AFAP1L2: variants seen among roughly 807,000 people sequenced by gnomAD.
The protein encoded by AFAP1L2 is actin filament-associated protein 1-like 2.
AFAP1L2 carries 46 observed loss-of-function variants against 99.3 expected under a neutral mutation model. That is an observed-to-expected ratio of 0.46 (90% confidence interval 0.37 to 0.59). AFAP1L2 has a LOEUF of 0.59. Among genes scored for constraint, AFAP1L2 ranks in the 20% least tolerant of loss-of-function variants. The pLI is 0.00. For synonymous variants in AFAP1L2, 397 were observed against 419.1 expected, an observed-to-expected ratio of 0.95 and a Z score of 0.64; for missense variants, 959 against 1,034.9, an observed-to-expected ratio of 0.93 and a Z score of 1.01.
chr10:114,338,361 T>C (rs1349432010), intron 2 of AFAP1L2, among the ~76,000 whole-genome samples: 1 of 152,226 alleles, frequency 6.6e-6, no homozygotes, highest in African/African-American at 2.4e-5. Flanking sequence ...GCATTTCCAG[T>C]TCTCAAACAT....
chr10:114,318,999 C>T (rs2044638532), intron 5 of AFAP1L2, among the ~76,000 whole-genome samples: 1 of 150,350 alleles, frequency 6.7e-6, no homozygotes, highest in Admixed American at 6.6e-5. Flanking sequence ...ACTAAAGATA[C>T]AAAAATTAGC....
At chr10:114,286,897 AC>A in the AFAP1L2 span, among the ~76,000 whole-genome samples, 1 of 152,224 alleles carries the variant, frequency 6.6e-6, no homozygotes, top group African/African-American at 2.4e-5. Flanking sequence ...ATGGCAATCC[AC>A]AGAAAAGTGT....
chr10:114,375,914 C>T (rs1256791441), intron 1 of AFAP1L2, among the ~76,000 whole-genome samples: 2 of 152,104 alleles, frequency 1.3e-5, no homozygotes, highest in Non-Finnish European at 2.9e-5. Context: ...GAGCTATAAT[C>T]ACACCACTGC....
chr10:114,325,580 C>T (rs7910932), intron 4 of AFAP1L2, among the ~76,000 whole-genome samples: 5,074 of 152,306 alleles, frequency 0.033, 255 homozygotes, highest in African/African-American at 0.11. Flanking sequence ...ACTTCATAAG[C>T]AAACCCGACA....
intron 8 of AFAP1L2, among the ~76,000 whole-genome samples, chr10:114,308,889 C>T (rs185323694): frequency 2.6e-5 from 4 of 152,316 alleles, no homozygotes; most frequent in Middle Eastern, 3.4e-3. Flanking sequence ...TTCGTCTGCA[C>T]AGGAGCAGAC....
intron 1 of AFAP1L2, among the ~76,000 whole-genome samples, chr10:114,365,159 C>T (rs2053029261): frequency 6.6e-6 from 1 of 152,186 alleles, no homozygotes; most frequent in Admixed American, 6.5e-5. Context: ...TGTTTAAGGC[C>T]TGCCTCTCCT....
chr10:114,367,054 G>A (rs1043728650), intron 1 of AFAP1L2, among the ~76,000 whole-genome samples: 9 of 152,136 alleles, frequency 5.9e-5, no homozygotes, highest in African/African-American at 9.7e-5. Context: ...TGTCAGGGCC[G>A]GGCTGGTCAG....
At chr10:114,332,781 G>A (rs988259380) in intron 3 of AFAP1L2, among the ~76,000 whole-genome samples, 3 of 152,170 alleles carry the variant, frequency 2.0e-5, no homozygotes, top group South Asian at 2.1e-4. Flanking sequence ...TAAACGTTCC[G>A]CCAAAGTCAG....
At chr10:114,382,146 C>T (rs2137455442) in intron 1 of AFAP1L2, among the ~76,000 whole-genome samples, 1 of 152,280 alleles carries the variant, frequency 6.6e-6, no homozygotes, top group Middle Eastern at 3.4e-3. Context: ...TCCTTCAATC[C>T]AGCAATTCTA....
intron 10 of AFAP1L2, among the ~76,000 whole-genome samples, chr10:114,305,719 G>A (rs1407861629): frequency 2.1e-5 from 3 of 141,842 alleles, no homozygotes; most frequent in Non-Finnish European, 4.6e-5. Context: ...AGGGGACGGG[G>A]CTACAGGAGG....
intron 1 of AFAP1L2, among the ~76,000 whole-genome samples, chr10:114,379,011 A>G (rs974643804): frequency 6.6e-6 from 1 of 152,044 alleles, no homozygotes; most frequent in Admixed American, 6.6e-5. Context: ...CAGGAGTTCA[A>G]ACCAACTTGG....
intron 5 of AFAP1L2, among the ~76,000 whole-genome samples, chr10:114,317,568 A>ATT (rs1470900496): frequency 6.6e-6 from 1 of 152,168 alleles, no homozygotes; most frequent in Non-Finnish European, 1.5e-5. Context: ...GTTTTTTAAA[A>ATT]AGAGAAGGGG....
chr10:114,309,628 C>G (rs2042916748), intron 8 of AFAP1L2, among the ~76,000 whole-genome samples: 1 of 152,006 alleles, frequency 6.6e-6, no homozygotes, highest in Non-Finnish European at 1.5e-5. Flanking sequence ...TAAAGCTCCC[C>G]GAAAGCACCA....
At chr10:114,314,550 C>G (rs1590070854) in intron 6 of AFAP1L2, among the ~76,000 whole-genome samples, 1 of 152,216 alleles carries the variant, frequency 6.6e-6, no homozygotes, top group African/African-American at 2.4e-5. Flanking sequence ...AGAGAAAATA[C>G]TTTATCCCTT....
intron 5 of AFAP1L2, among the ~76,000 whole-genome samples, 159 bp from the exon 6 acceptor site, chr10:114,315,924 A>C (rs571805006): frequency 2.2e-4 from 34 of 152,282 alleles, no homozygotes; most frequent in Middle Eastern, 3.4e-3. Context: ...GCCAGATCCC[A>C]GGGCTGGCTT....
intron 10 of AFAP1L2, among the ~76,000 whole-genome samples, chr10:114,306,050 AG>A (rs1276726321): frequency 9.8e-6 from 1 of 102,362 alleles, no homozygotes; most frequent in African/African-American, 4.3e-5. Context: ...CAGATGCAGA[AG>A]GGGGCGCAGA....
intron 16 of AFAP1L2, among the ~76,000 whole-genome samples, 179 bp from the exon 17 acceptor site, chr10:114,297,592 A>G (rs890859218): frequency 4.6e-5 from 7 of 152,188 alleles, no homozygotes; most frequent in African/African-American, 1.7e-4. Flanking sequence ...TCCTTTAGCT[A>G]GCATTCTGCA....
chr10:114,350,194 C>T (rs2050248070), intron 1 of AFAP1L2, among the ~76,000 whole-genome samples: 1 of 152,150 alleles, frequency 6.6e-6, no homozygotes, highest in African/African-American at 2.4e-5. Context: ...GACATGAAAC[C>T]AAGCACAGAG....
At chr10:114,397,345 A>G (rs1419617159) in intron 1 of AFAP1L2, among the ~76,000 whole-genome samples, 1 of 152,212 alleles carries the variant, frequency 6.6e-6, no homozygotes, top group African/African-American at 2.4e-5. Flanking sequence ...AGAATCATTC[A>G]GTGTGCAAGC....
Sources: allele counts gnomAD v4.1 joint callset (sites outside exome capture counted in the v4.1 genomes callset), GRCh38; gene constraint gnomAD v4.1.1; transcripts MANE v1.5; gene names NCBI Gene and HGNC (gene_info 2026-07-23, HGNC 2026-07-21).